Variants in RHPN2 observed in about 807,000 individuals in gnomAD.
The protein encoded by RHPN2 is rhophilin-2.
Under a neutral mutation model 79.0 loss-of-function variants are expected in RHPN2, and 40 were observed. The observed-to-expected ratio is 0.51, with a 90% CI of 0.39 to 0.66. The LOEUF is 0.66. Among genes scored for constraint, RHPN2 ranks in the 30% least tolerant of loss-of-function variants. RHPN2 has a pLI of 0.00. For synonymous variants in RHPN2, 285 were observed against 363.5 expected, an observed-to-expected ratio of 0.78 and a Z score of 2.46; for missense variants, 686 against 883.5, an observed-to-expected ratio of 0.78 and a Z score of 2.83.
At chr19:33,019,378 G>A (rs1395643136) in intron 4 of RHPN2, among the ~76,000 whole-genome samples, 4 of 151,676 alleles carry the variant, frequency 2.6e-5, no homozygotes, top group Admixed American at 6.6e-5. Context: ...TCAGGAGTTC[G>A]AGACCCACCT....
intron 2 of RHPN2, among the ~76,000 whole-genome samples, chr19:33,027,953 G>T (rs1445306282): frequency 6.6e-6 from 1 of 152,152 alleles, no homozygotes; most frequent in Non-Finnish European, 1.5e-5. Context: ...ACAAGGCAAA[G>T]ATGCCCACTT....
In RHPN2 at chr19:33,024,107, C is replaced by A. The variant is rs147213936; in HGVS notation, c.314+2397G>T. On this transcript the variant is annotated intron_variant, in intron 3 of 14. Transcript: ENST00000254260. ...AACACCAGAGCATAGGCTGGGAGAA[C>A]CTTCCATTAGCTGTCGCACTGACTG... is the stretch of plus-strand genomic sequence containing the variant. Among the ~76,000 whole-genome samples the A allele has an allele frequency of 9.9e-3, 1,502 of 152,252 alleles. 34 individuals are homozygous for A. The highest frequency in any genetic ancestry group is 0.035 in the African/African-American group (1,439 of 41,556).
intron 3 of RHPN2, 31 bp downstream of exon 3, chr19:33,026,473 G>A: frequency 6.2e-7 from 1 of 1,604,844 alleles, no homozygotes; most frequent in Non-Finnish European, 8.5e-7. Flanking sequence ...CTGGCTCAGA[G>A]GCTTTTGGAA....
intron 14 of RHPN2, among the ~76,000 whole-genome samples, chr19:32,987,580 C>T (rs1206272119): frequency 4.6e-5 from 7 of 152,248 alleles, no homozygotes; most frequent in Non-Finnish European, 1.0e-4. Flanking sequence ...TTTCCTCCGA[C>T]ATCTCTGAAC....
chr19:33,026,402 C>T, intron 3 of RHPN2, 102 bp downstream of exon 3: 12 of 1,479,634 alleles, frequency 8.1e-6, no homozygotes, highest in Non-Finnish European at 1.1e-5. Flanking sequence ...GGGGCTGCCA[C>T]ACCCCAGTCT....
intron 2 of RHPN2, among the ~76,000 whole-genome samples, chr19:33,043,476 C>G (rs1381066196): frequency 6.6e-6 from 1 of 151,420 alleles, no homozygotes; most frequent in South Asian, 2.1e-4. Flanking sequence ...CACTTGAACC[C>G]AGGAGACACA....
chr19:33,053,569 G>A (rs529156766), intron 1 of RHPN2, among the ~76,000 whole-genome samples: 6 of 151,322 alleles, frequency 4.0e-5, no homozygotes, highest in South Asian at 4.2e-4. Context: ...GATTACAGGC[G>A]CACACCACCA....
At chr19:33,028,677 G>C (rs1214653941) in intron 2 of RHPN2, among the ~76,000 whole-genome samples, 1 of 152,116 alleles carries the variant, frequency 6.6e-6, no homozygotes, top group Non-Finnish European at 1.5e-5. Flanking sequence ...AGCCTCCTTA[G>C]TTGGTACATT....
intron 1 of RHPN2, among the ~76,000 whole-genome samples, chr19:33,048,725 C>CAA (rs58396784): frequency 0.022 from 1,350 of 62,574 alleles, 126 homozygotes; most frequent in African/African-American, 0.084. Context: ...GACTCAGTCT[C>CAA]AAAAAAAAAA....
intron 4 of RHPN2, among the ~76,000 whole-genome samples, chr19:33,017,819 G>A (rs1048965423): frequency 1.9e-4 from 29 of 151,380 alleles, no homozygotes; most frequent in African/African-American, 5.3e-4. Context: ...TCAGGAGTTC[G>A]AGATCAGCCT....
intron 2 of RHPN2, among the ~76,000 whole-genome samples, chr19:33,034,568 T>C (rs1223568482): frequency 7.3e-6 from 1 of 137,420 alleles, no homozygotes; most frequent in Non-Finnish European, 1.5e-5. Context: ...ATCCTGCTAC[T>C]GCACTCCAGG....
Position 32,992,026 on chromosome 19 carries a change from A to G in RHPN2, c.1498-57T>C, listed in dbSNP as rs936027530. ...TTGAAGGCTGGATCAGACGCTTGAA[A>G]GCTAAAGGGAATTTTGCCTGCTGTC... On this transcript the variant is annotated intron_variant, in intron 12 of 14. Transcript: ENST00000254260. The G allele has an allele frequency of 1.9e-6, 3 of 1,605,996 alleles. No homozygotes were observed. In the African/African-American group the frequency reaches 4.0e-5, roughly 21 times the overall value.
At chr19:33,008,936 T>A (rs963463185) in intron 6 of RHPN2, among the ~76,000 whole-genome samples, 1 of 151,944 alleles carries the variant, frequency 6.6e-6, no homozygotes. Flanking sequence ...TACTCAGCAC[T>A]AAAAATGGAG....
At chr19:33,011,949 A>C in intron 5 of RHPN2, 146 bp from the exon 6 acceptor site, 4 of 993,470 alleles carry the variant, frequency 4.0e-6, no homozygotes, top group Non-Finnish European at 6.0e-6. Flanking sequence ...AAACTCTGGG[A>C]GGGGTGGAAA....
intron 2 of RHPN2, among the ~76,000 whole-genome samples, chr19:33,030,465 C>T (rs181162819): frequency 7.9e-5 from 12 of 152,158 alleles, no homozygotes; most frequent in African/African-American, 1.7e-4. Flanking sequence ...TAGTGGCACA[C>T]GCCTGTAGTC....
At chr19:33,004,624 A>T (rs2145233046) in intron 7 of RHPN2, among the ~76,000 whole-genome samples, 1 of 151,076 alleles carries the variant, frequency 6.6e-6, no homozygotes, top group South Asian at 2.1e-4. Flanking sequence ...TTATAAATAA[A>T]CACCCAGGCT....
chr19:33,013,570 T>C (rs1017148775), intron 4 of RHPN2, among the ~76,000 whole-genome samples: 1 of 152,142 alleles, frequency 6.6e-6, no homozygotes, highest in African/African-American at 2.4e-5. Context: ...AATGTCTTTG[T>C]GTCTGCGCAT....
chr19:33,058,650 C>T (rs922682369), intron 1 of RHPN2, among the ~76,000 whole-genome samples: 1 of 152,070 alleles, frequency 6.6e-6, no homozygotes, highest in Non-Finnish European at 1.5e-5. Flanking sequence ...CGTGGTGGCA[C>T]GCGCCTGTAG....
rs143851631 is a variant in RHPN2, at chr19:33,041,798, A to C, written c.185+2451T>G. ...GGTGATCTGATTTGTTTACTTGTCT[A>C]TAAAAGTCTCCTCCCATCCTCCAAC... On this transcript the variant is annotated intron_variant, in intron 2 of 14. Transcript: ENST00000254260. Among the ~76,000 whole-genome samples the C allele has an allele frequency of 6.4e-4, 98 of 152,304 alleles. 1 individual carries two copies. In the Middle Eastern group the frequency reaches 0.01, roughly 16 times the overall value.
Sources: allele counts gnomAD v4.1 joint callset (sites outside exome capture counted in the v4.1 genomes callset), GRCh38; gene constraint gnomAD v4.1.1; transcripts MANE v1.5; gene names NCBI Gene and HGNC (gene_info 2026-07-23, HGNC 2026-07-21).